The following HERC4 variants were observed in gnomAD, a reference collection of about 807,000 sequenced individuals.
The protein encoded by HERC4 is HECT and RLD domain containing E3 ubiquitin protein ligase 4.
A neutral mutation model predicts 124.3 loss-of-function variants in HERC4; 28 were observed. The observed-to-expected ratio is 0.23, with a 90% confidence interval of 0.17 to 0.31. The LOEUF (loss-of-function observed/expected upper bound fraction) is 0.31, where lower values mean the gene tolerates loss of function less well. Ranked by LOEUF, HERC4 falls within the 10% of genes least tolerant of loss-of-function variation. HERC4 has a pLI of 1.00. For synonymous variants in HERC4, 407 were observed against 421.5 expected, an observed-to-expected ratio of 0.97 and a Z score of 0.42; for missense variants, 713 against 1,229.3, an observed-to-expected ratio of 0.58 and a Z score of 6.28.
Position 67,954,667 on chromosome 10 carries a change from C to T in HERC4, c.2265G>A (p.Arg755=), listed in dbSNP as rs2034023784. The change falls in exon 19 of 25, where the codon AGG becomes AGA. Residue 755 remains arginine, a synonymous_variant. Transcript: ENST00000373700. ...TGCCGTATTTAGGATCCAATAATTC[C>T]CTCATGATGAGCAAGAAAAATTCTT... The part of the protein sequence containing the change: ...VRKEFFLLIM[R]ELLDPKYGMF... 1.2e-6 allele frequency: 2 copies of T among 1,613,448 alleles called. No individual in the cohort carries two copies. The highest frequency in any genetic ancestry group is 3.3e-5 in the Admixed American group (2 of 59,964).
intron 15 of HERC4, among the ~76,000 whole-genome samples, chr10:67,974,560 G>A (rs1469960118): frequency 2.0e-5 from 3 of 152,142 alleles, no homozygotes; most frequent in African/African-American, 4.8e-5. Context: ...AATATGAGAC[G>A]AATGGATGGA....
intron 15 of HERC4, among the ~76,000 whole-genome samples, chr10:67,986,218 T>C (rs1032005334): frequency 1.3e-5 from 2 of 152,234 alleles, no homozygotes; most frequent in South Asian, 2.1e-4. Context: ...CTTTTGACTT[T>C]TGTAACTACT....
At chr10:68,032,945 G>C (rs1257934434) in intron 6 of HERC4, 76 bp from the exon 7 acceptor site, 3 of 771,232 alleles carry the variant, frequency 3.9e-6, no homozygotes, top group Middle Eastern at 2.3e-4. Flanking sequence ...TCTACAGCTT[G>C]CCAAGCTCAG....
At chr10:68,053,540 G>C (rs993773514) in intron 3 of HERC4, among the ~76,000 whole-genome samples, 2 of 152,028 alleles carry the variant, frequency 1.3e-5, no homozygotes, top group Non-Finnish European at 2.9e-5. Context: ...CTGGACTCAC[G>C]TAATCCTCCC....
Position 67,988,585 on chromosome 10 carries a change from G to A in HERC4, c.1806+78C>T, listed in dbSNP as rs541138504. 2,983 of 953,864 alleles carry A rather than the reference G, an allele frequency of 3.1e-3. 6 individuals are homozygous for A. The highest frequency in any genetic ancestry group is 4.0e-3 in the Non-Finnish European group (2,653 of 660,064). The allele number at this position is 953,864 out of a possible 1,614,324, so 59.1% of individuals were successfully genotyped here. ...TTTTTGCCAATCTAAATCTTTAATAGATTAATGTTAAAATGAACAGTATCA... is the reference window on the plus strand; with the variant it reads ...TTTTTGCCAATCTAAATCTTTAATAAATTAATGTTAAAATGAACAGTATCA... On this transcript the variant is annotated intron_variant, in intron 15 of 24. Transcript: ENST00000373700.
intron 8 of HERC4, among the ~76,000 whole-genome samples, chr10:68,014,863 T>C (rs2038169608): frequency 6.6e-6 from 1 of 152,180 alleles, no homozygotes; most frequent in Non-Finnish European, 1.5e-5. Context: ...GTGTACCCTA[T>C]CCATGAGATG....
chr10:68,069,585 T>C (rs2041467438), intron 3 of HERC4: 17 of 985,284 alleles, frequency 1.7e-5, no homozygotes, highest in South Asian at 4.7e-5. Flanking sequence ...AGTCCTCCAG[T>C]AGGTTATTAT....
At chr10:67,975,254 G>C (rs1457095050) in intron 15 of HERC4, among the ~76,000 whole-genome samples, 1 of 151,958 alleles carries the variant, frequency 6.6e-6, no homozygotes, top group South Asian at 2.1e-4. Context: ...TCATTAAAGT[G>C]GACTTCATGT....
Position 67,956,860 on chromosome 10 carries a change from T to A in HERC4, c.2025+18A>T. ...AAGAAACAATTAAAAAAAAAAACCC[T>A]CTCAAATAATATTTTACCTGCATCT... On this transcript the variant is annotated intron_variant, in intron 17 of 24. Coordinates refer to ENST00000373700, the MANE Select transcript of HERC4 (RefSeq NM_015601.4). 6.9e-7 allele frequency: 1 copy of A among 1,453,742 alleles called. No individual in the cohort carries two copies. Among genetic ancestry groups the A allele is most frequent in the Non-Finnish European group, 9.4e-7 (1 of 1,069,150 alleles). 90.1% of individuals were successfully genotyped at this position (1,453,742 alleles called of 1,614,324 possible). A position where few individuals can be genotyped will look rare whatever the true frequency, so the allele number is the denominator to read the frequency against.
intron 23 of HERC4, among the ~76,000 whole-genome samples, chr10:67,925,576 T>C (rs903724758): frequency 1.3e-5 from 2 of 152,190 alleles, no homozygotes; most frequent in Non-Finnish European, 1.5e-5. Flanking sequence ...TTTAAAAATA[T>C]GGTACTAAGC....
At chr10:68,046,568 A>G (rs1440547044) in intron 3 of HERC4, among the ~76,000 whole-genome samples, 1 of 152,230 alleles carries the variant, frequency 6.6e-6, no homozygotes, top group Non-Finnish European at 1.5e-5. Flanking sequence ...CTAGCCCTCA[A>G]TGAGTTTACA....
intron 4 of HERC4, 100 bp from the exon 5 acceptor site, chr10:68,038,269 T>C (rs1015736161): frequency 1.0e-5 from 5 of 480,506 alleles, no homozygotes; most frequent in Middle Eastern, 9.6e-4. Flanking sequence ...TATATGCACA[T>C]AGGTCATATT....
chr10:68,041,341 TAAA>T (rs1226042602), intron 4 of HERC4, among the ~76,000 whole-genome samples: 6 of 152,092 alleles, frequency 3.9e-5, no homozygotes, highest in Admixed American at 2.6e-4. Context: ...AGTAGATTTT[TAAA>T]AAAATGAAAA....
chr10:67,973,914 G>A (rs1259674211), intron 15 of HERC4, among the ~76,000 whole-genome samples: 1 of 151,692 alleles, frequency 6.6e-6, no homozygotes, highest in Non-Finnish European at 1.5e-5. Context: ...GGGTGCGGTG[G>A]CACGTGCCTG....
chr10:67,940,135 C>T (rs1237564252), intron 20 of HERC4, among the ~76,000 whole-genome samples: 1 of 152,082 alleles, frequency 6.6e-6, no homozygotes, highest in African/African-American at 2.4e-5. Flanking sequence ...ACCATGTTGG[C>T]CAGGCTGGTC....
At chr10:68,064,273 G>T (rs2041184191) in intron 3 of HERC4, among the ~76,000 whole-genome samples, 1 of 151,824 alleles carries the variant, frequency 6.6e-6, no homozygotes, top group South Asian at 2.1e-4. Context: ...AAAGAAATAG[G>T]CCGGGTGCCG....
intron 3 of HERC4, among the ~76,000 whole-genome samples, chr10:68,071,208 G>C (rs767397947): frequency 3.3e-5 from 5 of 152,210 alleles, no homozygotes; most frequent in Admixed American, 6.5e-5. Flanking sequence ...AGATGTCACA[G>C]TGCAATCATC....
At position 68,030,135 on chromosome 10, in the gene HERC4, A is replaced by G. The variant is rs150489483; in HGVS notation, c.777+2643T>C. 2.9e-3 allele frequency among the ~76,000 whole-genome samples: 441 copies of G among 152,196 alleles called. 1 individual carries two copies. Among genetic ancestry groups the G allele is most frequent in the African/African-American group, 0.01 (429 of 41,534 alleles). On this transcript the variant is annotated intron_variant, in intron 7 of 24. Transcript: ENST00000373700. ...TGTTCTGGCTATTAATTTTAAATTT[A>G]CTGTATTTTTAAAAACATATAAGGC...
At chr10:68,044,301 T>C (rs2039912369) in intron 4 of HERC4, 103 bp downstream of exon 4, 1 of 1,064,926 alleles carries the variant, frequency 9.4e-7, no homozygotes. Flanking sequence ...GGAGAAATAA[T>C]GAGATGTCAA....
Sources: gnomAD v4.1 joint callset for allele counts (sites outside exome capture counted in the v4.1 genomes callset) on GRCh38, gnomAD v4.1.1 for gene constraint, MANE v1.5 for transcripts, NCBI Gene and HGNC (gene_info 2026-07-23, HGNC 2026-07-21) for gene names.